Variants in ROCK1 observed in about 807,000 individuals in gnomAD.
ROCK1 encodes the protein rho-associated protein kinase 1.
A neutral mutation model predicts 196.8 loss-of-function variants in ROCK1; 36 were observed. That is an observed-to-expected ratio of 0.18 (90% CI 0.14 to 0.24). ROCK1 has a LOEUF of 0.24. Ranked by LOEUF, ROCK1 falls within the 10% of genes least tolerant of loss-of-function variation. The pLI is 1.00. For missense variants in ROCK1, 920 were observed against 1,562.0 expected (o/e 0.59, Z 6.93); for synonymous variants, 443 against 515.9 (o/e 0.86, Z 1.91).
intron 1 of ROCK1, among the ~76,000 whole-genome samples, chr18:21,081,147 A>G (rs918719261): frequency 2.0e-5 from 3 of 152,208 alleles, no homozygotes; most frequent in African/African-American, 7.2e-5. Flanking sequence ...AACTTTTAAA[A>G]GACCAAAATG....
chr18:20,967,619 A>G (rs2035386382), intron 26 of ROCK1, 133 bp downstream of exon 26: 5 of 630,492 alleles, frequency 7.9e-6, no homozygotes, highest in Non-Finnish European at 1.3e-5. Flanking sequence ...TCCCAATTTC[A>G]GTCTGAAACC....
chr18:21,058,044 A>G lies in ROCK1; in HGVS notation c.176-8164T>C, dbSNP rs185373503. ...TATTTAATTACATAGAATTATGTTC[A>G]GCATATAATGTTGTGCAAAGAAATA... On this transcript the variant is annotated intron_variant, in intron 2 of 32. Transcript: ENST00000399799. Among the ~76,000 whole-genome samples the G allele has an allele frequency of 1.4e-4, 22 of 152,302 alleles. No individual in the cohort carries two copies. The East Asian group carries it at 3.7e-3, about 25-fold the overall frequency.
At chr18:20,969,232 A>T in intron 23 of ROCK1, 24 bp from the exon 24 acceptor site, 1 of 1,433,280 alleles carries the variant, frequency 7.0e-7, no homozygotes. Flanking sequence ...ACAAAAGTTT[A>T]AGCTCCAGCC....
chr18:20,953,905 A>C (rs2035215306), intron 31 of ROCK1, 120 bp from the exon 32 acceptor site: 3 of 544,834 alleles, frequency 5.5e-6, no homozygotes, highest in Non-Finnish European at 9.4e-6. Flanking sequence ...TGCTTAATTA[A>C]GCATGAACAA....
At chr18:21,044,274 T>A (rs1568393042) in intron 5 of ROCK1, 88 bp from the exon 6 acceptor site, 1 of 899,896 alleles carries the variant, frequency 1.1e-6, no homozygotes, top group South Asian at 1.5e-5. Context: ...AGGTCAAGCA[T>A]CCTCAATCTA....
chr18:21,042,380 CATCACAAA>C (rs2036114730), intron 7 of ROCK1, 145 bp from the exon 8 acceptor site: 2 of 986,174 alleles, frequency 2.0e-6, no homozygotes, highest in Non-Finnish European at 2.9e-6. Flanking sequence ...TAAAAGAACA[CATCACAAA>C]GTTGCTCTAA....
At chr18:21,036,473 AT>A (rs1220558334) in intron 9 of ROCK1, among the ~76,000 whole-genome samples, 1 of 152,142 alleles carries the variant, frequency 6.6e-6, no homozygotes, top group Non-Finnish European at 1.5e-5. Context: ...AGAAACAGTT[AT>A]TGTTCTGTTG....
chr18:21,081,677 AC>A (rs1433273722), intron 1 of ROCK1, among the ~76,000 whole-genome samples: 4 of 152,174 alleles, frequency 2.6e-5, no homozygotes, highest in Non-Finnish European at 5.9e-5. Context: ...AATAAAAGTG[AC>A]GACATTCCTA....
intron 12 of ROCK1, among the ~76,000 whole-genome samples, chr18:21,018,778 GCT>G (rs1377822973): frequency 6.6e-6 from 1 of 152,052 alleles, no homozygotes; most frequent in Admixed American, 6.6e-5. Flanking sequence ...CCCCCCACCT[GCT>G]CTGTCACAAA....
At chr18:21,055,245 A>G (rs1598545980) in intron 2 of ROCK1, among the ~76,000 whole-genome samples, 1 of 152,122 alleles carries the variant, frequency 6.6e-6, no homozygotes, top group African/African-American at 2.4e-5. Flanking sequence ...GACTGATCCT[A>G]TTTTAAAATT....
chr18:21,106,144 C>T (rs1283807872), intron 1 of ROCK1, among the ~76,000 whole-genome samples: 4 of 152,168 alleles, frequency 2.6e-5, no homozygotes, highest in Non-Finnish European at 4.4e-5. Context: ...TCCGCTCACC[C>T]GTTGCTACAC....
At chr18:21,010,940 T>C (rs1423534080) in intron 13 of ROCK1, among the ~76,000 whole-genome samples, 1 of 152,254 alleles carries the variant, frequency 6.6e-6, no homozygotes, top group Non-Finnish European at 1.5e-5. Flanking sequence ...TCTATGTTCA[T>C]GGTAATTTTC....
intron 1 of ROCK1, among the ~76,000 whole-genome samples, chr18:21,072,982 G>C (rs2036398062): frequency 7.2e-6 from 1 of 138,806 alleles, no homozygotes; most frequent in African/African-American, 2.6e-5. Flanking sequence ...GTTGAGACAG[G>C]ACAATCGCTT....
chr18:21,051,398 G>A (rs1283578739), intron 2 of ROCK1, among the ~76,000 whole-genome samples: 1 of 152,186 alleles, frequency 6.6e-6, no homozygotes, highest in East Asian at 1.9e-4. Flanking sequence ...AGGTTGCAGT[G>A]AGCCAAGATC....
chr18:20,974,752 T>C (rs2035463997), intron 22 of ROCK1, among the ~76,000 whole-genome samples: 1 of 152,264 alleles, frequency 6.6e-6, no homozygotes, highest in African/African-American at 2.4e-5. Flanking sequence ...TTTACAGGTA[T>C]ATTTCAAATG....
chr18:20,970,583 T>C (rs1246337846), intron 22 of ROCK1, 70 bp from the exon 23 acceptor site: 5 of 1,001,852 alleles, frequency 5.0e-6, no homozygotes, highest in Non-Finnish European at 7.4e-6. Flanking sequence ...ATCATATTCT[T>C]AAAAACACAA....
chr18:20,968,656 T>G (rs1232144521), intron 25 of ROCK1, 116 bp downstream of exon 25: 3 of 664,410 alleles, frequency 4.5e-6, no homozygotes, highest in Non-Finnish European at 5.3e-6. Context: ...GGGAGAGAAT[T>G]TATTTGTTCT....
At chr18:21,046,284 T>C (rs1375510859) in intron 4 of ROCK1, among the ~76,000 whole-genome samples, 1 of 152,200 alleles carries the variant, frequency 6.6e-6, no homozygotes, top group Non-Finnish European at 1.5e-5. Flanking sequence ...TAATCTCTTC[T>C]AAAACACTGT....
chr18:20,977,534 C>T (rs2035491768), intron 22 of ROCK1, among the ~76,000 whole-genome samples: 1 of 152,238 alleles, frequency 6.6e-6, no homozygotes, highest in Non-Finnish European at 1.5e-5. Context: ...GGCATAGCCA[C>T]TATACCTTGA....
Sources: allele counts gnomAD v4.1 joint callset (sites outside exome capture counted in the v4.1 genomes callset), GRCh38; gene constraint gnomAD v4.1.1; transcripts MANE v1.5; gene names NCBI Gene and HGNC (gene_info 2026-07-23, HGNC 2026-07-21).